SESN3: variants seen among roughly 807,000 people sequenced by gnomAD.
SESN3 encodes sestrin-3.
A neutral mutation model predicts 55.3 loss-of-function variants in SESN3; 21 were observed. That is an observed-to-expected ratio of 0.38 (90% CI 0.27 to 0.55). The LOEUF (loss-of-function observed/expected upper bound fraction) is 0.55, where lower values mean the gene tolerates loss of function less well. SESN3 is among the 20% of genes least tolerant of loss of function. SESN3 has a pLI of 0.76. For missense variants in SESN3, 408 were observed against 604.3 expected (o/e 0.68, Z 3.41); for synonymous variants, 181 against 203.1 (o/e 0.89, Z 0.93).
chr11:95,186,707 G>A (rs1162740917), intron 4 of SESN3, among the ~76,000 whole-genome samples: 1 of 151,576 alleles, frequency 6.6e-6, no homozygotes, highest in African/African-American at 2.4e-5. Context: ...ATATCACTAT[G>A]TACCCCATGG....
intron 1 of SESN3, among the ~76,000 whole-genome samples, chr11:95,215,939 A>T (rs941174589): frequency 6.6e-5 from 10 of 151,936 alleles, no homozygotes; most frequent in Non-Finnish European, 1.3e-4. Flanking sequence ...TCTACTAAAA[A>T]TACAAAAAAT....
chr11:95,190,558 T>C (rs527524091), intron 3 of SESN3, among the ~76,000 whole-genome samples: 15 of 152,088 alleles, frequency 9.9e-5, no homozygotes, highest in Middle Eastern at 3.4e-3. Context: ...TTTCTCCACA[T>C]TTTACAAGCA....
intron 7 of SESN3, 37 bp from the exon 8 acceptor site, chr11:95,177,946 A>G (rs372936300): frequency 2.9e-6 from 4 of 1,357,904 alleles, no homozygotes; most frequent in Non-Finnish European, 3.0e-6. Context: ...CAAAGTGGGC[A>G]TTTTCCATCT....
chr11:95,194,804 T>C (rs1428888086), intron 1 of SESN3, among the ~76,000 whole-genome samples: 1 of 151,914 alleles, frequency 6.6e-6, no homozygotes, highest in African/African-American at 2.4e-5. Flanking sequence ...CTAGTCTCCA[T>C]AAGATATAGA....
intron 1 of SESN3, among the ~76,000 whole-genome samples, chr11:95,194,416 C>T (rs776863249): frequency 1.5e-4 from 23 of 151,988 alleles, no homozygotes; most frequent in Non-Finnish European, 3.1e-4. Context: ...GGCAGTCAGG[C>T]ATTTAACACG....
intron 4 of SESN3, among the ~76,000 whole-genome samples, chr11:95,188,512 G>A (rs770512445): frequency 2.6e-5 from 4 of 151,738 alleles, no homozygotes; most frequent in Admixed American, 6.6e-5. Context: ...CATACAATAT[G>A]ATCTCAATTC....
At chr11:95,189,248 T>C (rs531653812) in intron 4 of SESN3, among the ~76,000 whole-genome samples, 24 of 152,066 alleles carry the variant, frequency 1.6e-4, no homozygotes, top group African/African-American at 5.3e-4. Flanking sequence ...TCTTAGTCAA[T>C]CACGACAACT....
intron 2 of SESN3, among the ~76,000 whole-genome samples, chr11:95,192,639 A>T (rs576232752): frequency 6.6e-6 from 1 of 152,146 alleles, no homozygotes; most frequent in Non-Finnish European, 1.5e-5. Flanking sequence ...AAATAAGTAC[A>T]CATTATACAA....
intron 6 of SESN3, 133 bp downstream of exon 6, chr11:95,184,287 A>T: frequency 1.4e-6 from 1 of 711,264 alleles, no homozygotes; most frequent in South Asian, 1.9e-5. Flanking sequence ...GCATGAGGGT[A>T]AGATAGAAGA....
At chr11:95,213,503 T>C (rs1169576953) in intron 1 of SESN3, among the ~76,000 whole-genome samples, 1 of 152,124 alleles carries the variant, frequency 6.6e-6, no homozygotes, top group Admixed American at 6.6e-5. Flanking sequence ...AACAAGCAGC[T>C]AGAATCAAAG....
chr11:95,230,657 C>A lies in SESN3; in HGVS notation c.78+126G>T. On this transcript the variant is annotated intron_variant, in intron 1 of 9. Coordinates refer to ENST00000536441, the MANE Select transcript of SESN3 (RefSeq NM_144665.4). This position sits in a 1 kb window ranked among gnomAD's most constrained non-coding sequence, Gnocchi z 4.6. ...TCAACCCACGCCCCCTTTCTCAGTC[C>A]CTGCGGAGGGACGGTGCCCGGGGAT... The A allele has an allele frequency of 1.5e-6, 1 of 657,428 alleles. No individual in the cohort carries two copies. The highest frequency in any genetic ancestry group is 1.8e-5 in the South Asian group (1 of 56,022). 40.7% of individuals were successfully genotyped at this position (657,428 alleles called of 1,614,324 possible).
intron 1 of SESN3, among the ~76,000 whole-genome samples, chr11:95,206,022 G>C (rs116395551): frequency 1.6e-4 from 24 of 152,088 alleles, no homozygotes; most frequent in African/African-American, 5.5e-4. Context: ...CTTCACATAA[G>C]CCTCAACACA....
intron 1 of SESN3, among the ~76,000 whole-genome samples, chr11:95,224,806 T>C (rs1860919968): frequency 6.6e-6 from 1 of 152,188 alleles, no homozygotes; most frequent in Non-Finnish European, 1.5e-5. Context: ...TATAAGATAA[T>C]GTTTATCAAA....
rs1860269515 is a variant in SESN3 at position 95,191,609 on chromosome 11, C to CA, written c.145-9_145-8insT. 4.4e-6 allele frequency: 7 copies of CA among 1,606,662 alleles called. No homozygotes were observed. In the East Asian group the frequency reaches 1.6e-4, roughly 36 times the overall value. ...TGTGTTTGCTTGGACAACCTTATAA[C>CA]CAAAAAAAACAAAACAAAATGACTA... On this transcript the variant is annotated splice_polypyrimidine_tract_variant and intron_variant, in intron 2 of 9. Transcript: ENST00000536441.
chr11:95,172,483 T>C lies in SESN3; in HGVS notation c.*772A>G, dbSNP rs918155893. On this transcript the variant is annotated 3_prime_UTR_variant, in exon 10 of 10. Coordinates refer to ENST00000536441, the MANE Select transcript of SESN3 (RefSeq NM_144665.4). ...ATTACTGTCAGTGATAGGATTGTGT[T>C]ATAATTCCACTTATATACATCTGAT... 6.6e-6 allele frequency: 1 copy of C among 152,178 alleles called. No individual in the cohort carries two copies. Among genetic ancestry groups the C allele is most frequent in the Non-Finnish European group, 1.5e-5 (1 of 68,020 alleles). 9.4% of individuals were successfully genotyped at this position (152,178 alleles called of 1,614,324 possible).
intron 1 of SESN3, among the ~76,000 whole-genome samples, chr11:95,195,544 T>C (rs996225323): frequency 6.6e-6 from 1 of 152,190 alleles, no homozygotes; most frequent in African/African-American, 2.4e-5. Context: ...GCGTATGACA[T>C]ATACCATCGC....
At chr11:95,191,349 G>T (rs1860264288) in intron 3 of SESN3, 55 bp downstream of exon 3, 1 of 1,335,702 alleles carries the variant, frequency 7.5e-7, no homozygotes, top group Non-Finnish European at 1.1e-6. Context: ...ATTTTGGAAG[G>T]GAGAAAGAAT....
Position 95,184,280 on chromosome 11 carries a change from T to A in SESN3, c.937+140A>T. 3 of 684,148 alleles carry A rather than the reference T, an allele frequency of 4.4e-6. No individual in the cohort carries two copies. In the South Asian group the frequency reaches 5.8e-5, roughly 13 times the overall value. The allele number at this position is 684,148 out of a possible 1,614,324, so 42.4% of individuals were successfully genotyped here. On this transcript the variant is annotated intron_variant, in intron 6 of 9. Transcript: ENST00000536441. ...ACCAGCCTGAGGGAAAGCAATAGCA[T>A]GAGGGTAAGATAGAAGAGGAGAACT...
Position 95,212,368 on chromosome 11 carries a change from T to C in SESN3, c.78+18415A>G, listed in dbSNP as rs370729361. Among the ~76,000 whole-genome samples, 45 of 152,250 alleles carry C rather than the reference T, an allele frequency of 3.0e-4. 1 individual carries two copies. The highest frequency in any genetic ancestry group is 2.5e-3 in the East Asian group (13 of 5,188). On this transcript the variant is annotated intron_variant, in intron 1 of 9. Coordinates refer to ENST00000536441, the MANE Select transcript of SESN3 (RefSeq NM_144665.4). The stretch of plus-strand genomic sequence containing the variant: ...ACCACAGAGTAAGCTCTCTAAAACC[T>C]AGGACAGACTCCATACACCTTTTTT...
Sources: allele counts gnomAD v4.1 joint callset (sites outside exome capture counted in the v4.1 genomes callset), GRCh38; gene constraint gnomAD v4.1.1; non-coding constraint Gnocchi (gnomAD v3.1); transcripts MANE v1.5; gene names NCBI Gene and HGNC (gene_info 2026-07-23, HGNC 2026-07-21).